Variants in SIPA1L1 observed in about 807,000 individuals in gnomAD.
The protein encoded by SIPA1L1 is signal-induced proliferation-associated 1-like protein 1.
SIPA1L1 carries 26 observed loss-of-function variants against 162.7 expected under a neutral mutation model. The ratio of observed to expected loss-of-function variants is 0.16; its 90% CI spans 0.12 to 0.22. The LOEUF (loss-of-function observed/expected upper bound fraction) is 0.22, where lower values mean the gene tolerates loss of function less well. SIPA1L1 is among the 10% of genes least tolerant of loss of function. The probability of loss-of-function intolerance (pLI) is 1.00; values close to 1 mark genes in which losing one functional copy is unlikely to be tolerated. For missense variants in SIPA1L1, 1,874 were observed against 2,241.0 expected (o/e 0.84, Z 3.31); for synonymous variants, 829 against 837.4 (o/e 0.99, Z 0.17).
chr14:71,710,635 C>T (rs547462219), intron 17 of SIPA1L1, among the ~76,000 whole-genome samples: 11 of 151,812 alleles, frequency 7.2e-5, no homozygotes, highest in Admixed American at 2.0e-4. Context: ...TGGTGAAACC[C>T]CGTCTCTACT....
chr14:71,388,794 T>C (rs2141308229), intron 2 of SIPA1L1, among the ~76,000 whole-genome samples: 1 of 152,358 alleles, frequency 6.6e-6, no homozygotes, highest in Middle Eastern at 3.4e-3. Context: ...CAGATTTATT[T>C]GTTTTTAAAT....
chr14:71,615,383 T>C (rs1311581280), intron 5 of SIPA1L1, among the ~76,000 whole-genome samples: 1 of 152,222 alleles, frequency 6.6e-6, no homozygotes, highest in East Asian at 1.9e-4. Context: ...TCGTAGTAGT[T>C]GGTCAGATTT....
intron 13 of SIPA1L1, among the ~76,000 whole-genome samples, chr14:71,692,525 T>C (rs1345551043): frequency 6.6e-6 from 1 of 152,248 alleles, no homozygotes; most frequent in Non-Finnish European, 1.5e-5. Context: ...AACAGCGTAC[T>C]CTGGCATCCA....
chr14:71,490,910 T>A (rs2049190107), intron 2 of SIPA1L1, among the ~76,000 whole-genome samples: 1 of 152,112 alleles, frequency 6.6e-6, no homozygotes, highest in Non-Finnish European at 1.5e-5. Flanking sequence ...TTTTCAAAGG[T>A]AGGGGTTTAA....
At chr14:71,535,224 T>C (rs891533570) in intron 4 of SIPA1L1, among the ~76,000 whole-genome samples, 1 of 152,184 alleles carries the variant, frequency 6.6e-6, no homozygotes, top group African/African-American at 2.4e-5. Context: ...CTTAAATACC[T>C]ATGTATGGTG....
intron 2 of SIPA1L1, among the ~76,000 whole-genome samples, chr14:71,413,253 G>A (rs1245590967): frequency 2.0e-5 from 3 of 152,184 alleles, no homozygotes; most frequent in Non-Finnish European, 4.4e-5. Flanking sequence ...TTTTGGAATA[G>A]TGATTCCCAT....
At chr14:71,410,463 G>T (rs2042323791) in intron 2 of SIPA1L1, among the ~76,000 whole-genome samples, 1 of 152,110 alleles carries the variant, frequency 6.6e-6, no homozygotes, top group South Asian at 2.1e-4. Context: ...AAACGTTTAG[G>T]GTTAAACATA....
chr14:71,367,569 A>G (rs2038445709), intron 2 of SIPA1L1, among the ~76,000 whole-genome samples: 1 of 148,520 alleles, frequency 6.7e-6, no homozygotes, highest in African/African-American at 2.5e-5. Context: ...CGGCCTCCCA[A>G]AGTGCTGGGA....
intron 2 of SIPA1L1, among the ~76,000 whole-genome samples, chr14:71,382,425 TA>T (rs1452248458): frequency 1.3e-5 from 2 of 152,218 alleles, no homozygotes; most frequent in Admixed American, 1.3e-4. Context: ...CCACCTTTTG[TA>T]AATACGTAAC....
intron 2 of SIPA1L1, among the ~76,000 whole-genome samples, chr14:71,353,846 T>C (rs569260545): frequency 1.3e-5 from 2 of 152,144 alleles, no homozygotes; most frequent in East Asian, 1.9e-4. Flanking sequence ...AATTGGGAAG[T>C]TGGAGACGGG....
At chr14:71,709,714 T>G (rs1053452381) in intron 17 of SIPA1L1, 50 bp downstream of exon 17, 31 of 1,503,736 alleles carry the variant, frequency 2.1e-5, no homozygotes, top group Non-Finnish European at 2.6e-5. Context: ...CTAAGCCCAG[T>G]TCCCTGGCCT....
chr14:71,642,126 A>G (rs551752167), intron 7 of SIPA1L1, among the ~76,000 whole-genome samples: 97 of 152,372 alleles, frequency 6.4e-4, no homozygotes, highest in East Asian at 5.8e-4. Flanking sequence ...AAAACTAGAC[A>G]AAACAATGAA....
At chr14:71,571,371 T>G (rs2031974737) in intron 4 of SIPA1L1, among the ~76,000 whole-genome samples, 1 of 151,704 alleles carries the variant, frequency 6.6e-6, no homozygotes, top group African/African-American at 2.4e-5. Flanking sequence ...TAAAATAAAA[T>G]TTTACTCAAC....
chr14:71,654,495 T>C (rs150262504), intron 8 of SIPA1L1, among the ~76,000 whole-genome samples: 210 of 152,298 alleles, frequency 1.4e-3, no homozygotes, highest in Non-Finnish European at 2.5e-3. Context: ...TAGAAGCCGT[T>C]TGTAAAAGCT....
chr14:71,558,052 T>TA (rs1156704939), intron 4 of SIPA1L1, among the ~76,000 whole-genome samples: 1 of 152,152 alleles, frequency 6.6e-6, no homozygotes, highest in East Asian at 1.9e-4. Flanking sequence ...GTGACATAGG[T>TA]AAAAAAATAT....
chr14:71,727,329 G>A (rs1465941218), intron 19 of SIPA1L1, among the ~76,000 whole-genome samples: 2 of 152,024 alleles, frequency 1.3e-5, no homozygotes, highest in African/African-American at 4.8e-5. Context: ...GAGAACAGGA[G>A]ACTGGCATGA....
At chr14:71,344,574 G>T (rs996764491) in intron 2 of SIPA1L1, among the ~76,000 whole-genome samples, 1 of 151,462 alleles carries the variant, frequency 6.6e-6, no homozygotes, top group Admixed American at 6.6e-5. Context: ...TCTGTCTATC[G>T]AGAGAGATGG....
intron 21 of SIPA1L1, among the ~76,000 whole-genome samples, chr14:71,734,255 G>A (rs951781036): frequency 3.3e-5 from 5 of 152,230 alleles, no homozygotes; most frequent in African/African-American, 4.8e-5. Context: ...GCGGTAGCGC[G>A]TTGTCTGTCT....
chr14:71,483,529 A>G (rs915759507), intron 2 of SIPA1L1, among the ~76,000 whole-genome samples: 3 of 152,222 alleles, frequency 2.0e-5, no homozygotes, highest in Admixed American at 6.5e-5. Context: ...CTCTGCAGAA[A>G]TCAAGAGAGG....
Sources: gnomAD v4.1 joint callset for allele counts (sites outside exome capture counted in the v4.1 genomes callset) on GRCh38, gnomAD v4.1.1 for gene constraint, MANE v1.5 for transcripts, NCBI Gene and HGNC (gene_info 2026-07-23, HGNC 2026-07-21) for gene names.